The following FHIT variants were observed in gnomAD, a reference collection of about 807,000 sequenced individuals.
The protein encoded by FHIT is bis(5'-adenosyl)-triphosphatase.
In FHIT, 19 loss-of-function variants were observed where a neutral mutation model predicts 17.9. The observed-to-expected ratio is 1.06, with a 90% confidence interval of 0.74 to 1.56. FHIT has a LOEUF of 1.56. Ranked by LOEUF, FHIT falls within the 40% of genes most tolerant of loss-of-function variation. The pLI is 0.00. For synonymous variants in FHIT, 81 were observed against 69.7 expected, an observed-to-expected ratio of 1.16 and a Z score of -0.81; for missense variants, 248 against 189.2, an observed-to-expected ratio of 1.31 and a Z score of -1.82.
At chr3:60,619,443 A>AGCACTGACACTATCC (rs1553677412) in intron 4 of FHIT, among the ~76,000 whole-genome samples, 1 of 152,128 alleles carries the variant, frequency 6.6e-6, no homozygotes, top group Admixed American at 6.6e-5. Flanking sequence ...ACAAAGTAGG[A>AGCACTGACACTATCC]GCACTGACAC....
At chr3:60,626,406 A>C (rs1366611992) in intron 4 of FHIT, among the ~76,000 whole-genome samples, 1 of 152,194 alleles carries the variant, frequency 6.6e-6, no homozygotes, top group Admixed American at 6.5e-5. Context: ...AAATATACAT[A>C]AATTCAGAGT....
intron 5 of FHIT, among the ~76,000 whole-genome samples, chr3:60,209,397 C>T (rs944345180): frequency 6.6e-6 from 1 of 152,104 alleles, no homozygotes; most frequent in African/African-American, 2.4e-5. Context: ...CCTTAAGAAG[C>T]TTATGGTCCA....
intron 4 of FHIT, among the ~76,000 whole-genome samples, chr3:60,574,478 T>C (rs1288289882): frequency 1.3e-5 from 2 of 151,926 alleles, no homozygotes; most frequent in Non-Finnish European, 2.9e-5. Context: ...TGGGGCACAG[T>C]TGAGGCAGGC....
At chr3:60,914,478 G>A (rs868920477) in intron 3 of FHIT, among the ~76,000 whole-genome samples, 1 of 151,138 alleles carries the variant, frequency 6.6e-6, no homozygotes, top group Non-Finnish European at 1.5e-5. Flanking sequence ...GTTGTGCAGT[G>A]AGTAAGACTT....
At chr3:60,711,834 G>C (rs1479003573) in intron 4 of FHIT, among the ~76,000 whole-genome samples, 1 of 152,192 alleles carries the variant, frequency 6.6e-6, no homozygotes, top group Admixed American at 6.5e-5. Context: ...ATGGAACCAA[G>C]TTGGAAAACA....
At chr3:60,440,055 C>T (rs1168792285) in intron 5 of FHIT, among the ~76,000 whole-genome samples, 1 of 152,090 alleles carries the variant, frequency 6.6e-6, no homozygotes, top group African/African-American at 2.4e-5. Context: ...AGTTCTAAGC[C>T]AACCTAGCCC....
intron 2 of FHIT, among the ~76,000 whole-genome samples, chr3:61,140,791 C>A (rs768728097): frequency 1.3e-5 from 2 of 152,058 alleles, no homozygotes; most frequent in Non-Finnish European, 2.9e-5. Flanking sequence ...TAAAAATAGA[C>A]TAGGGAGTAT....
At chr3:60,432,504 A>G (rs1354498992) in intron 5 of FHIT, among the ~76,000 whole-genome samples, 1 of 152,118 alleles carries the variant, frequency 6.6e-6, no homozygotes, top group East Asian at 1.9e-4. Context: ...TAAATATATC[A>G]CTATATAGCA....
intron 4 of FHIT, among the ~76,000 whole-genome samples, chr3:60,605,637 C>G (rs1020483153): frequency 6.6e-6 from 1 of 152,174 alleles, no homozygotes; most frequent in Middle Eastern, 3.2e-3. Context: ...CAATTAAACA[C>G]AAGGTCCTTG....
rs193156234 is a variant in FHIT, at chr3:60,066,757, C to T, written c.104-52605G>A. ...CTGCAAGCTCCGCCTCGCGGGTTCA[C>T]GCCATTCTCCTGCCTCAGCCTCCCG... On this transcript the variant is annotated intron_variant, in intron 5 of 9. Coordinates refer to ENST00000492590, the MANE Select transcript of FHIT (RefSeq NM_002012.4). Among the ~76,000 whole-genome samples the T allele has an allele frequency of 4.1e-3, 610 of 147,530 alleles. 7 individuals are homozygous for T. The highest frequency in any genetic ancestry group is 0.014 in the African/African-American group (582 of 40,492).
At chr3:60,116,257 A>T (rs1182372980) in intron 5 of FHIT, among the ~76,000 whole-genome samples, 2 of 152,224 alleles carry the variant, frequency 1.3e-5, no homozygotes, top group East Asian at 3.8e-4. Context: ...AAACAAAAAA[A>T]GCATGAGAAT....
intron 2 of FHIT, among the ~76,000 whole-genome samples, chr3:61,107,053 T>C (rs986877495): frequency 2.0e-5 from 3 of 152,214 alleles, no homozygotes; most frequent in African/African-American, 4.8e-5. Flanking sequence ...GTCATTATGT[T>C]GTACAATAGA....
At chr3:60,371,918 C>A (rs1700348509) in intron 5 of FHIT, among the ~76,000 whole-genome samples, 1 of 148,962 alleles carries the variant, frequency 6.7e-6, no homozygotes, top group South Asian at 2.2e-4. Flanking sequence ...TACCTCATTA[C>A]AATTCTAATT....
chr3:60,952,623 C>A (rs1708940985), intron 3 of FHIT, among the ~76,000 whole-genome samples: 1 of 152,146 alleles, frequency 6.6e-6, no homozygotes, highest in Non-Finnish European at 1.5e-5. Flanking sequence ...AAATACAAAA[C>A]AAAACCCAGC....
At chr3:60,946,748 G>T (rs1168533167) in intron 3 of FHIT, among the ~76,000 whole-genome samples, 2 of 152,116 alleles carry the variant, frequency 1.3e-5, no homozygotes, top group Non-Finnish European at 2.9e-5. Flanking sequence ...CAACTCCACT[G>T]TCAGACACTG....
At chr3:59,993,235 T>TGTTAGTTTCCTG (rs1200773389) in intron 7 of FHIT, among the ~76,000 whole-genome samples, 2 of 152,120 alleles carry the variant, frequency 1.3e-5, no homozygotes, top group Non-Finnish European at 2.9e-5. Context: ...TGGTTATCTA[T>TGTTAGTTTCCTG]GTTAGTTTCC....
intron 4 of FHIT, among the ~76,000 whole-genome samples, chr3:60,573,817 T>A (rs1180019047): frequency 6.6e-6 from 1 of 152,060 alleles, no homozygotes; most frequent in African/African-American, 2.4e-5. Context: ...TACTTTTTTT[T>A]TTTATTTTTC....
At chr3:60,610,015 A>C (rs1650912507) in intron 4 of FHIT, among the ~76,000 whole-genome samples, 1 of 152,202 alleles carries the variant, frequency 6.6e-6, no homozygotes. Context: ...GGTTGCTTTA[A>C]TTTTATTACA....
At chr3:60,080,716 A>C (rs1445529257) in intron 5 of FHIT, 1 of 152,158 alleles carries the variant, frequency 6.6e-6, no homozygotes, top group Non-Finnish European at 1.5e-5. Context: ...GCAACCCTGT[A>C]AGAGCATTTA....
Sources: gnomAD v4.1 joint callset for allele counts (sites outside exome capture counted in the v4.1 genomes callset) on GRCh38, gnomAD v4.1.1 for gene constraint, MANE v1.5 for transcripts, NCBI Gene and HGNC (gene_info 2026-07-23, HGNC 2026-07-21) for gene names.